The following MDFIC2 variants were observed in gnomAD, a reference collection of about 807,000 sequenced individuals.
MDFIC2 encodes the protein myoD family inhibitor domain-containing protein 2.
At chr3:70,298,539 G>T (rs1198596118) in intron 2 of MDFIC2, among the ~76,000 whole-genome samples, 3 of 152,070 alleles carry the variant, frequency 2.0e-5, no homozygotes, top group African/African-American at 7.2e-5. Context: ...TTTAATCACT[G>T]TGATCTACAG....
At chr3:70,290,490 G>A (rs1011043834) in intron 2 of MDFIC2, among the ~76,000 whole-genome samples, 16 of 152,218 alleles carry the variant, frequency 1.1e-4, no homozygotes, top group South Asian at 2.1e-4. Flanking sequence ...ATTTAAGTCT[G>A]CAGAGGTTAT....
At chr3:70,258,299 A>G (rs1416444804) in intron 2 of MDFIC2, among the ~76,000 whole-genome samples, 1 of 152,162 alleles carries the variant, frequency 6.6e-6, no homozygotes, top group Non-Finnish European at 1.5e-5. Flanking sequence ...GCTTTCATCA[A>G]AATTATAAAT....
intron 2 of MDFIC2, among the ~76,000 whole-genome samples, chr3:70,219,598 A>G (rs2106735692): frequency 6.6e-6 from 1 of 152,326 alleles, no homozygotes; most frequent in Middle Eastern, 3.4e-3. Flanking sequence ...AATTGGGATG[A>G]AAAACCAACA....
At chr3:70,198,835 A>G (rs1701206941) in intron 3 of MDFIC2, among the ~76,000 whole-genome samples, 1 of 152,086 alleles carries the variant, frequency 6.6e-6, no homozygotes, top group African/African-American at 2.4e-5. Context: ...CGTGTGACCA[A>G]CTCTCCCATA....
chr3:70,276,089 G>A (rs1210409845), intron 2 of MDFIC2, among the ~76,000 whole-genome samples: 4 of 151,962 alleles, frequency 2.6e-5, no homozygotes, highest in African/African-American at 9.7e-5. Context: ...TTATAATTAA[G>A]ATAATATGAT....
intron 2 of MDFIC2, among the ~76,000 whole-genome samples, chr3:70,228,622 G>A (rs1266922335): frequency 6.9e-6 from 1 of 145,022 alleles, no homozygotes; most frequent in Non-Finnish European, 1.5e-5. Flanking sequence ...AAACATTTAA[G>A]TTTTCTTACT....
chr3:70,202,829 A>G (rs1331728483), intron 3 of MDFIC2, among the ~76,000 whole-genome samples: 1 of 152,116 alleles, frequency 6.6e-6, no homozygotes, highest in Non-Finnish European at 1.5e-5. Context: ...ACAACTGGGG[A>G]CTGGCTAATT....
chr3:70,309,685 A>G (rs753209634), intron 2 of MDFIC2, among the ~76,000 whole-genome samples: 1 of 152,214 alleles, frequency 6.6e-6, no homozygotes, highest in East Asian at 1.9e-4. Context: ...TAACATTGAA[A>G]AAAAAGACAT....
At chr3:70,250,370 A>G (rs1701749541) in intron 2 of MDFIC2, among the ~76,000 whole-genome samples, 1 of 150,792 alleles carries the variant, frequency 6.6e-6, no homozygotes, top group South Asian at 2.1e-4. Flanking sequence ...CTGTGTTTTT[A>G]TTGTTATTGA....
At chr3:70,249,498 C>G (rs1392889469) in intron 2 of MDFIC2, 1 of 152,152 alleles carries the variant, frequency 6.6e-6, no homozygotes. Flanking sequence ...TCCCTCACAT[C>G]TTTCTCTTTC....
At chr3:70,209,929 T>G (rs796886739) in intron 2 of MDFIC2, among the ~76,000 whole-genome samples, 29 of 152,126 alleles carry the variant, frequency 1.9e-4, no homozygotes, top group African/African-American at 7.0e-4. Flanking sequence ...TCCCATACAT[T>G]AGAGAGTAGC....
intron 2 of MDFIC2, among the ~76,000 whole-genome samples, chr3:70,232,326 A>C (rs2106745555): frequency 6.6e-6 from 1 of 152,050 alleles, no homozygotes; most frequent in South Asian, 2.1e-4. Context: ...CTTTATCCTC[A>C]TGATCAGTGC....
chr3:70,213,710 T>C (rs1022816512), intron 2 of MDFIC2, among the ~76,000 whole-genome samples: 1 of 152,126 alleles, frequency 6.6e-6, no homozygotes, highest in African/African-American at 2.4e-5. Flanking sequence ...ATTTTTGTTG[T>C]TAAAATGTAT....
chr3:70,274,084 T>TG (rs1559551081), intron 2 of MDFIC2, among the ~76,000 whole-genome samples: 1 of 148,470 alleles, frequency 6.7e-6, no homozygotes, highest in Non-Finnish European at 1.5e-5. Flanking sequence ...TGTGTGTGTG[T>TG]GTGTGTGCGC....
chr3:70,225,973 C>T (rs977998299), intron 2 of MDFIC2, among the ~76,000 whole-genome samples: 3 of 152,076 alleles, frequency 2.0e-5, no homozygotes, highest in African/African-American at 7.2e-5. Context: ...ACAATGTAGA[C>T]AGGATGAGAC....
chr3:70,281,934 G>A (rs1702088444), intron 2 of MDFIC2, among the ~76,000 whole-genome samples: 1 of 152,156 alleles, frequency 6.6e-6, no homozygotes, highest in Non-Finnish European at 1.5e-5. Context: ...ATTTTTGATT[G>A]TACAGTAACA....
intron 2 of MDFIC2, among the ~76,000 whole-genome samples, chr3:70,230,587 C>G (rs1701548938): frequency 6.6e-6 from 1 of 152,078 alleles, no homozygotes; most frequent in Non-Finnish European, 1.5e-5. Flanking sequence ...CAGAAGTTGT[C>G]TACTTATTGT....
At chr3:70,252,685 ATGTT>A (rs1701780556) in intron 2 of MDFIC2, among the ~76,000 whole-genome samples, 1 of 152,092 alleles carries the variant, frequency 6.6e-6, no homozygotes, top group Non-Finnish European at 1.5e-5. Context: ...GTATTGCCCT[ATGTT>A]TATTTATTTA....
chr3:70,203,099 A>G (rs1188853875), intron 3 of MDFIC2, among the ~76,000 whole-genome samples: 6 of 152,086 alleles, frequency 3.9e-5, no homozygotes, highest in Non-Finnish European at 4.4e-5. Context: ...AGGACTCCTT[A>G]TCCTAAGTGG....
Sources: gnomAD v4.1 joint callset for allele counts (sites outside exome capture counted in the v4.1 genomes callset) on GRCh38, gnomAD v4.1.1 for gene constraint, MANE v1.5 for transcripts, NCBI Gene and HGNC (gene_info 2026-07-23, HGNC 2026-07-21) for gene names.